INSR: variants seen among roughly 807,000 people sequenced by gnomAD.
INSR encodes IR.
INSR carries 67 observed loss-of-function variants against 142.6 expected under a neutral mutation model. The observed-to-expected ratio is 0.47, with a 90% CI of 0.39 to 0.58. The LOEUF (loss-of-function observed/expected upper bound fraction) is 0.58. Ranked by LOEUF, INSR falls within the 20% of genes least tolerant of loss-of-function variation. The pLI, the probability that INSR is intolerant of heterozygous loss-of-function variation, is 0.00. For synonymous variants in INSR, 756 were observed against 743.1 expected (o/e 1.02, Z -0.28); for missense variants, 1,248 against 1,833.2 (o/e 0.68, Z 5.83).
intron 2 of INSR, among the ~76,000 whole-genome samples, chr19:7,212,654 C>T (rs948808313): frequency 1.2e-4 from 18 of 151,990 alleles, no homozygotes; most frequent in Admixed American, 6.6e-5. Flanking sequence ...GGCATGATCT[C>T]GGCTCACTGC....
Position 7,268,578 on chromosome 19 carries a change from A to G in INSR, c.101-682T>C, listed in dbSNP as rs776732850. ...GCCCCTACATCCCCTGCACACCACT[A>G]AACAGGCCTGCCCACAACTCTTGCA... On this transcript the variant is annotated intron_variant, in intron 1 of 21. Coordinates refer to ENST00000302850, the MANE Select transcript of INSR (RefSeq NM_000208.4). 239 of 985,076 alleles carry G rather than the reference A, an allele frequency of 2.4e-4. 2 individuals carry two copies. Among genetic ancestry groups the G allele is most frequent in the Non-Finnish European group, 2.8e-4 (232 of 829,894 alleles). 61.0% of individuals were successfully genotyped at this position (985,076 alleles called of 1,614,324 possible).
intron 7 of INSR, 43 bp downstream of exon 7, chr19:7,167,925 C>G: frequency 6.2e-7 from 1 of 1,612,332 alleles, no homozygotes; most frequent in Non-Finnish European, 8.5e-7. Flanking sequence ...ACAGAGCCAG[C>G]CAGCCCTCGC....
At chr19:7,210,973 G>A (rs909546697) in intron 2 of INSR, among the ~76,000 whole-genome samples, 5 of 151,880 alleles carry the variant, frequency 3.3e-5, no homozygotes, top group African/African-American at 9.7e-5. Flanking sequence ...CAAGTGATCC[G>A]TCCTCCCAAA....
rs3815901 is a variant in INSR, at chr19:7,166,530, A to G, written c.1611-126T>C. 461,038 of 1,020,650 alleles carry G rather than the reference A, an allele frequency of 0.45. 108,120 individuals carry two copies. Among genetic ancestry groups the G allele is most frequent in the African/African-American group, 0.64 (40,326 of 62,532 alleles). 63.2% of individuals were successfully genotyped at this position (1,020,650 alleles called of 1,614,324 possible). ...GTTACTCACCCAACAATCTAATGCC[A>G]CAAGAAAAAATAACTCGGGAACAGC... On this transcript the variant is annotated intron_variant, in intron 7 of 21. Transcript: ENST00000302850. This position sits in a 1 kb window ranked among gnomAD's most constrained non-coding sequence, Gnocchi z 4.1.
Position 7,276,758 on chromosome 19 carries a change from T to C in INSR, c.101-8862A>G, listed in dbSNP as rs546213012. Reference sequence around the variant, plus strand: ...ATTTATTTTTATTTTTGAGACGGAGTCTCACTCTGTCTCCCAGGCTGGAGT... The same window carrying C: ...ATTTATTTTTATTTTTGAGACGGAGCCTCACTCTGTCTCCCAGGCTGGAGT... On this transcript the variant is annotated intron_variant, in intron 1 of 21. Coordinates refer to ENST00000302850, the MANE Select transcript of INSR (RefSeq NM_000208.4). 1.3e-3 allele frequency among the ~76,000 whole-genome samples: 200 copies of C among 152,110 alleles called. 1 individual carries two copies. Among genetic ancestry groups the C allele is most frequent in the African/African-American group, 4.6e-3 (189 of 41,488 alleles).
In INSR at chr19:7,122,924, G is replaced by A. The variant is rs202111071; in HGVS notation, c.3324C>T (p.His1108=). Residue 1108 remains histidine (H), a synonymous_variant, in exon 18 of 22, where the codon CAC becomes CAT. Coordinates refer to ENST00000302850, the MANE Select transcript of INSR (RefSeq NM_000208.4). ...AACGGAGGTAGCTCTTCAGGTCTCC[G>A]TGAGCCATCAGCTCCATCACCACCA... is the stretch of plus-strand genomic sequence containing the variant. ...PTLVVMELMA[H]GDLKSYLRSL... is the part of the protein sequence containing the mutation. 2.9e-5 allele frequency: 46 copies of A among 1,608,594 alleles called. No individual in the cohort carries two copies. Among genetic ancestry groups the A allele is most frequent in the Middle Eastern group, 2.2e-4 (1 of 4,572 alleles).
chr19:7,228,824 G>A (rs1394037915), intron 2 of INSR, among the ~76,000 whole-genome samples: 2 of 152,182 alleles, frequency 1.3e-5, no homozygotes, highest in African/African-American at 2.4e-5. Context: ...AGAGATGAAT[G>A]GACACATGGA....
intron 2 of INSR, among the ~76,000 whole-genome samples, chr19:7,210,048 A>G (rs1975227080): frequency 6.6e-6 from 1 of 152,084 alleles, no homozygotes; most frequent in Admixed American, 6.6e-5. Context: ...AGTATTACTA[A>G]GGGAGAACGC....
chr19:7,157,067 G>A (rs1261460154), intron 9 of INSR, among the ~76,000 whole-genome samples: 3 of 152,116 alleles, frequency 2.0e-5, no homozygotes, highest in African/African-American at 7.2e-5. Context: ...TGCAAGCTCT[G>A]CCTCCCGGGT....
chr19:7,267,950 G>A lies in INSR; in HGVS notation c.101-54C>T. On this transcript the variant is annotated intron_variant, in intron 1 of 21. Transcript: ENST00000302850. This position sits in a 1 kb window ranked among gnomAD's most constrained non-coding sequence, Gnocchi z 6.3. ...ACAGGTGAGCAGACGCACGGTGGAT[G>A]CATCAGAAGGATCAGGGGCAGAGCC... 2 of 1,448,080 alleles carry A rather than the reference G, an allele frequency of 1.4e-6. No homozygotes were observed. The highest frequency in any genetic ancestry group is 1.4e-5 in the African/African-American group (1 of 71,806). 89.7% of individuals were successfully genotyped at this position (1,448,080 alleles called of 1,614,324 possible). A position where few individuals can be genotyped will look rare whatever the true frequency, so the allele number is the denominator to read the frequency against.
chr19:7,152,776 C>T lies in INSR; in HGVS notation c.2181G>A (p.Ser727=), dbSNP rs774251731. 8.7e-6 allele frequency: 14 copies of T among 1,613,222 alleles called. No homozygotes were observed. The highest frequency in any genetic ancestry group is 1.8e-4 in the Middle Eastern group (1 of 5,586). ...GGTAATCCTCAAACGTCTTCCTAAA[C>T]GAGGACTCCTCCAGCTCCTTCAGGA... ...SQILKELEES[S]FRKTFEDYLH... The change falls in exon 10 of 22, where the codon TCG becomes TCA. Residue 727 remains serine (S), a synonymous_variant. Coordinates refer to ENST00000302850, the MANE Select transcript of INSR (RefSeq NM_000208.4).
intron 2 of INSR, among the ~76,000 whole-genome samples, chr19:7,233,161 T>G (rs144541845): frequency 6.6e-6 from 1 of 151,858 alleles, no homozygotes; most frequent in African/African-American, 2.4e-5. Flanking sequence ...ACCTGGCTAA[T>G]TTTTGTATTT....
chr19:7,197,918 AGTGTGTGTGTGT>A (rs71864058), intron 2 of INSR, among the ~76,000 whole-genome samples: 2 of 100,218 alleles, frequency 2.0e-5, no homozygotes, highest in African/African-American at 4.0e-5. Context: ...CCAGAGTGAG[AGTGTGTGTGTGT>A]GTGTGTGTGT....
intron 2 of INSR, among the ~76,000 whole-genome samples, chr19:7,221,640 G>A (rs949471851): frequency 3.3e-4 from 50 of 150,138 alleles, no homozygotes; most frequent in African/African-American, 1.1e-3. Flanking sequence ...CCTGAGAGGC[G>A]GAGGTTGCAG....
At chr19:7,270,333 TCTCTCTCA>T (rs1279056668) in intron 1 of INSR, among the ~76,000 whole-genome samples, 18 of 65,506 alleles carry the variant, frequency 2.7e-4, no homozygotes, top group Middle Eastern at 9.6e-3. Context: ...TCTCTCTCTC[TCTCTCTCA>T]CACACACACA....
chr19:7,132,317 C>G lies in INSR; in HGVS notation c.2683G>C (p.Glu895Gln), dbSNP rs1182697643. 1 of 1,613,704 alleles carries G rather than the reference C, an allele frequency of 6.2e-7. No homozygotes were observed. The highest frequency in any genetic ancestry group is 1.3e-5 in the African/African-American group (1 of 74,916). Residue 895 changes from glutamate to glutamine, a missense_variant and splice_region_variant, in exon 14 of 22, where the codon GAG becomes CAG. Glu to Gln is a conservative substitution (Grantham distance 29). Transcript: ENST00000302850. ...EVSYRRYGDE[E>Q]LHLCVSRKHF... ...TTGCGGGAGACGCAGAGATGCAGCTCCTGGGAGGAAGAGAGGAGGAGAAGG... is the reference window on the plus strand; with the variant it reads ...TTGCGGGAGACGCAGAGATGCAGCTGCTGGGAGGAAGAGAGGAGGAGAAGG...
At chr19:7,195,320 G>C (rs995753889) in intron 2 of INSR, among the ~76,000 whole-genome samples, 6 of 152,090 alleles carry the variant, frequency 3.9e-5, no homozygotes, top group Non-Finnish European at 8.8e-5. Context: ...GAGGTCATTC[G>C]ATAAAATAAC....
chr19:7,125,456 G>A lies in INSR; in HGVS notation c.3085C>T (p.Leu1029=). The change falls in exon 17 of 22, where the codon CTG becomes TTG. Residue 1029 remains leucine (L), a synonymous_variant. Coordinates refer to ENST00000302850, the MANE Select transcript of INSR (RefSeq NM_000208.4). The surrounding 1 kb of genome is among the most constrained non-coding windows in gnomAD (Gnocchi z 4.9). ...ACCATGCCGAAGGAGCCCTGCCCCA[G>A]CTCTCGAAGGAGGGTGATCTTCTCT... ...SREKITLLRE[L]GQGSFGMVYE... 1.2e-6 allele frequency: 2 copies of A among 1,614,122 alleles called. No individual in the cohort carries two copies. The highest frequency in any genetic ancestry group is 1.7e-5 in the Admixed American group (1 of 60,014).
intron 9 of INSR, among the ~76,000 whole-genome samples, chr19:7,153,238 CATA>C (rs1973466822): frequency 1.9e-5 from 2 of 107,726 alleles, no homozygotes; most frequent in African/African-American, 3.5e-5. Context: ...ACACACACAC[CATA>C]CACGCACCAC....
Sources: gnomAD v4.1 joint callset for allele counts (sites outside exome capture counted in the v4.1 genomes callset) on GRCh38, gnomAD v4.1.1 for gene constraint, Gnocchi (gnomAD v3.1) non-coding constraint, MANE v1.5 for transcripts, NCBI Gene and HGNC (gene_info 2026-07-23, HGNC 2026-07-21) for gene names.